DIP2B: variants seen among roughly 807,000 people sequenced by gnomAD.
DIP2B encodes the protein DIP2 acetate--CoA ligase B (putative).
Under a neutral mutation model 198.0 loss-of-function variants are expected in DIP2B, and 76 were observed. That is an observed-to-expected ratio of 0.38 (90% CI 0.32 to 0.46). The LOEUF (loss-of-function observed/expected upper bound fraction) is 0.46, where lower values mean the gene tolerates loss of function less well. Ranked by LOEUF, DIP2B falls within the 20% of genes least tolerant of loss-of-function variation. The pLI is 0.99. For missense variants in DIP2B, 1,559 were observed against 1,978.4 expected (o/e 0.79, Z 4.02); for synonymous variants, 701 against 739.1 (o/e 0.95, Z 0.84).
intron 26 of DIP2B, among the ~76,000 whole-genome samples, chr12:50,721,745 C>T (rs976704172): frequency 6.6e-6 from 1 of 152,184 alleles, no homozygotes; most frequent in Non-Finnish European, 1.5e-5. Flanking sequence ...AGGAATGGGG[C>T]AATTTCACCC....
At chr12:50,642,949 T>G in intron 3 of DIP2B, among the ~76,000 whole-genome samples, 1 of 152,198 alleles carries the variant, frequency 6.6e-6, no homozygotes, top group Non-Finnish European at 1.5e-5. Flanking sequence ...GAGCCCAGGT[T>G]CAGCAGCAGC....
intron 3 of DIP2B, among the ~76,000 whole-genome samples, chr12:50,649,841 G>T (rs1482965541): frequency 1.3e-5 from 2 of 152,012 alleles, no homozygotes; most frequent in Admixed American, 1.3e-4. Context: ...GGGTGAAAGG[G>T]TGAGACTTTG....
chr12:50,695,136 G>T, intron 14 of DIP2B, 131 bp from the exon 15 acceptor site: 1 of 641,396 alleles, frequency 1.6e-6, no homozygotes, highest in South Asian at 2.7e-5. Flanking sequence ...TAATATTTAA[G>T]ATTGTTTTCA....
intron 1 of DIP2B, among the ~76,000 whole-genome samples, chr12:50,593,459 C>T (rs1051300813): frequency 6.6e-5 from 10 of 151,424 alleles, no homozygotes; most frequent in African/African-American, 1.9e-4. Flanking sequence ...GAGCTGAGAT[C>T]GCGCTGCTAC....
In DIP2B at chr12:50,744,673, T is replaced by G. The variant is rs1291376584; in HGVS notation, c.4565T>G (p.Val1522Gly). 2 of 1,614,214 alleles carry G rather than the reference T, an allele frequency of 1.2e-6. No individual in the cohort carries two copies. The highest frequency in any genetic ancestry group is 1.7e-5 in the Admixed American group (1 of 60,026). ...GAAGCCCTAGATCTGGTCCCATTAG[T>G]GACCAACGTGGTCCTGGAAGAGCAT... is the stretch of plus-strand genomic sequence containing the variant. ...EQEALDLVPL[V>G]TNVVLEEHYL... Residue 1522 changes from valine to glycine, a missense_variant, in exon 38 of 38, where the codon GTG becomes GGG. Physicochemically the swap from Val to Gly is moderately radical, Grantham distance 109. Transcript: ENST00000301180.
chr12:50,671,130 G>A (rs1938844723), intron 4 of DIP2B, 56 bp from the exon 5 acceptor site: 1 of 1,558,806 alleles, frequency 6.4e-7, no homozygotes, highest in East Asian at 2.3e-5. Context: ...AGCAAGAACT[G>A]AAAAGTCTCT....
intron 23 of DIP2B, among the ~76,000 whole-genome samples, chr12:50,716,407 CAGG>C (rs1486393464): frequency 6.6e-6 from 1 of 151,956 alleles, no homozygotes; most frequent in African/African-American, 2.4e-5. Flanking sequence ...GAGGCTGAGG[CAGG>C]AGAATGGCGT....
chr12:50,673,507 C>T (rs1938890777), intron 5 of DIP2B, among the ~76,000 whole-genome samples: 1 of 152,150 alleles, frequency 6.6e-6, no homozygotes. Context: ...AATCTTGAGA[C>T]CTGGTGTGGT....
chr12:50,584,572 A>T (rs536759630), intron 1 of DIP2B, among the ~76,000 whole-genome samples: 3 of 152,034 alleles, frequency 2.0e-5, no homozygotes, highest in African/African-American at 7.3e-5. Flanking sequence ...TTTATTTTTT[A>T]TATTTCTTGG....
intron 37 of DIP2B, 97 bp from the exon 38 acceptor site, chr12:50,744,490 G>A (rs935702832): frequency 3.9e-6 from 6 of 1,532,100 alleles, no homozygotes; most frequent in Non-Finnish European, 4.5e-6. Context: ...GGGATTGAGG[G>A]GAGAAGGCGG....
chr12:50,741,996 T>G (rs1488040228), intron 37 of DIP2B, among the ~76,000 whole-genome samples: 2 of 152,102 alleles, frequency 1.3e-5, no homozygotes, highest in Non-Finnish European at 2.9e-5. Flanking sequence ...ATGAAAAGGG[T>G]AGTTGATATT....
At chr12:50,703,905 A>C (rs192909459) in intron 19 of DIP2B, among the ~76,000 whole-genome samples, 292 of 150,198 alleles carry the variant, frequency 1.9e-3, no homozygotes, top group African/African-American at 6.9e-3. Flanking sequence ...ACATTTATTT[A>C]TATATACATA....
intron 28 of DIP2B, among the ~76,000 whole-genome samples, chr12:50,726,030 C>A (rs917988057): frequency 2.0e-4 from 31 of 152,070 alleles, no homozygotes; most frequent in African/African-American, 7.0e-4. Context: ...GCTGGTAGGT[C>A]TATGGTTAAT....
intron 19 of DIP2B, 121 bp downstream of exon 19, chr12:50,699,323 A>G (rs1939375420): frequency 3.5e-6 from 5 of 1,413,340 alleles, no homozygotes; most frequent in Middle Eastern, 1.9e-4. Context: ...CTCTGGAGCT[A>G]GACTTGCCTA....
At chr12:50,608,413 G>A (rs1320248333) in intron 1 of DIP2B, among the ~76,000 whole-genome samples, 1 of 152,204 alleles carries the variant, frequency 6.6e-6, no homozygotes, top group Admixed American at 6.5e-5. Context: ...CATGAGGCCA[G>A]GAGTTCGAGA....
chr12:50,587,337 C>T (rs923189985), intron 1 of DIP2B, among the ~76,000 whole-genome samples: 1 of 152,176 alleles, frequency 6.6e-6, no homozygotes, highest in African/African-American at 2.4e-5. Context: ...CTTTAGACCA[C>T]CCTCTTGTTT....
intron 1 of DIP2B, among the ~76,000 whole-genome samples, chr12:50,589,220 T>A (rs1958797604): frequency 1.3e-5 from 2 of 150,016 alleles, no homozygotes; most frequent in Non-Finnish European, 1.5e-5. Flanking sequence ...AATAAATAAA[T>A]AAAATTTGTT....
rs1320511231 is a variant in DIP2B at position 50,591,001 on chromosome 12, A to G, written c.101-34975A>G. On this transcript the variant is annotated intron_variant, in intron 1 of 37. Coordinates refer to ENST00000301180, the MANE Select transcript of DIP2B (RefSeq NM_173602.3). Reference sequence around the variant, plus strand: ...TCTTGGGAGTGGGATTAAGGCCCTTATAAAAGAGACTTCACACAGGTTCAG... The same window carrying G: ...TCTTGGGAGTGGGATTAAGGCCCTTGTAAAAGAGACTTCACACAGGTTCAG... 3.3e-5 allele frequency among the ~76,000 whole-genome samples: 5 copies of G among 152,208 alleles called. No individual in the cohort carries two copies. In the South Asian group the frequency reaches 8.3e-4, roughly 25 times the overall value.
rs1195933851 is a variant in DIP2B at position 50,582,952 on chromosome 12, AG to A, written c.101-43018del. On this transcript the variant is annotated intron_variant, in intron 1 of 37. Transcript: ENST00000301180. ...GGTCTATAACATTCTGCTTTTTGTC[AG>A]GGGGGCATTTACCTAGATTAGAATT... 3.3e-5 allele frequency among the ~76,000 whole-genome samples: 5 copies of A among 152,134 alleles called. No individual in the cohort carries two copies. In the East Asian group the frequency reaches 9.6e-4, roughly 29 times the overall value.
Sources: allele counts gnomAD v4.1 joint callset (sites outside exome capture counted in the v4.1 genomes callset), GRCh38; gene constraint gnomAD v4.1.1; transcripts MANE v1.5; gene names NCBI Gene and HGNC (gene_info 2026-07-23, HGNC 2026-07-21).